Variants in GNAT3 observed in about 807,000 individuals in gnomAD.
GNAT3 encodes the protein G protein subunit alpha transducin 3.
GNAT3 carries 31 observed loss-of-function variants against 37.7 expected under a neutral mutation model. The observed-to-expected ratio is 0.82, with a 90% CI of 0.62 to 1.11. GNAT3 has a LOEUF of 1.11. Ranked by LOEUF, GNAT3 falls within the 50% of genes most tolerant of loss-of-function variation. The probability of loss-of-function intolerance (pLI) is 0.00; values close to 1 mark genes in which losing one functional copy is unlikely to be tolerated. For missense variants in GNAT3, 437 were observed against 412.5 expected (o/e 1.06, Z -0.51); for synonymous variants, 138 against 139.8 (o/e 0.99, Z 0.09).
At chr7:80,460,130 A>G (rs895173674) in intron 7 of GNAT3, among the ~76,000 whole-genome samples, 2 of 152,242 alleles carry the variant, frequency 1.3e-5, no homozygotes, top group Non-Finnish European at 2.9e-5. Context: ...GGAACAGAAT[A>G]TTAATTTAGG....
At chr7:80,472,232 A>G (rs1330138934) in intron 5 of GNAT3, among the ~76,000 whole-genome samples, 4 of 152,048 alleles carry the variant, frequency 2.6e-5, no homozygotes, top group Non-Finnish European at 5.9e-5. Context: ...TTTCTCCTCA[A>G]CTCTGCATTT....
chr7:80,481,402 C>T (rs1790390556), intron 3 of GNAT3, among the ~76,000 whole-genome samples: 1 of 152,050 alleles, frequency 6.6e-6, no homozygotes, highest in South Asian at 2.1e-4. Flanking sequence ...TCATTAGGCC[C>T]TCCTCCCTTT....
In GNAT3 at chr7:80,462,200, AC is replaced by A; in HGVS notation, c.832del (p.Val278Ter). ...GCAGATACTAAGATGCACCTTGGTT[AC>A]CTTTTCTTGAAAGATATCTTTTTTG... ...LNKKDIFQEK[V>X]TKVHLSICFP... On this transcript the variant is annotated frameshift_variant, in exon 7 of 8. Transcript: ENST00000398291. LOFTEE classifies it low-confidence loss of function (END_TRUNC). 6.3e-7 allele frequency: 1 copy of A among 1,595,688 alleles called. No homozygotes were observed. The highest frequency in any genetic ancestry group is 1.1e-5 in the South Asian group (1 of 88,522).
chr7:80,509,834 T>A lies in GNAT3; in HGVS notation c.118+1975A>T, dbSNP rs755728229. Reference sequence around the variant, plus strand: ...TATATATACTCTTTTTGAACATTTTTAATTTATTTTTTTAAATTGACAAAT... The same window carrying A: ...TATATATACTCTTTTTGAACATTTTAAATTTATTTTTTTAAATTGACAAAT... On this transcript the variant is annotated intron_variant, in intron 1 of 7. Transcript: ENST00000398291. Among the ~76,000 whole-genome samples the A allele has an allele frequency of 4.7e-4, 72 of 152,212 alleles. 1 individual carries two copies. The highest frequency in any genetic ancestry group is 9.4e-4 in the Non-Finnish European group (64 of 68,012).
At chr7:80,459,187 C>T (rs1790007425) in intron 7 of GNAT3, among the ~76,000 whole-genome samples, 1 of 151,684 alleles carries the variant, frequency 6.6e-6, no homozygotes. Context: ...TGTTTTTATA[C>T]AAATTAAAAG....
intron 5 of GNAT3, among the ~76,000 whole-genome samples, chr7:80,469,565 C>A (rs560528753): frequency 6.6e-6 from 1 of 152,094 alleles, no homozygotes; most frequent in African/African-American, 2.4e-5. Context: ...AGATGATACA[C>A]AATTATGATA....
chr7:80,459,840 C>T (rs1019271177), intron 7 of GNAT3, among the ~76,000 whole-genome samples: 30 of 152,096 alleles, frequency 2.0e-4, no homozygotes, highest in African/African-American at 6.8e-4. Flanking sequence ...ACTGGCAATA[C>T]CAAATTCTGG....
intron 3 of GNAT3, among the ~76,000 whole-genome samples, chr7:80,487,431 G>A (rs1198084180): frequency 1.3e-5 from 2 of 152,150 alleles, no homozygotes; most frequent in African/African-American, 2.4e-5. Flanking sequence ...TCTGCCTGAA[G>A]GCCATACTTA....
intron 7 of GNAT3, among the ~76,000 whole-genome samples, chr7:80,460,609 G>A (rs145425195): frequency 1.4e-4 from 22 of 152,148 alleles, no homozygotes; most frequent in Admixed American, 2.6e-4. Context: ...TTAGCCGGGC[G>A]TGGTGGCGTG....
At chr7:80,475,931 G>A (rs1440282370) in intron 4 of GNAT3, among the ~76,000 whole-genome samples, 3 of 151,992 alleles carry the variant, frequency 2.0e-5, no homozygotes, top group Non-Finnish European at 4.4e-5. Flanking sequence ...GAAACATTAA[G>A]ATGTAAATGT....
intron 1 of GNAT3, among the ~76,000 whole-genome samples, chr7:80,509,780 C>G (rs1343406614): frequency 6.6e-6 from 1 of 151,912 alleles, no homozygotes; most frequent in African/African-American, 2.4e-5. Context: ...CTTTTTGACC[C>G]AATTTTCAGT....
intron 1 of GNAT3, among the ~76,000 whole-genome samples, chr7:80,498,300 G>C (rs932418640): frequency 2.6e-5 from 4 of 152,046 alleles, no homozygotes; most frequent in Non-Finnish European, 4.4e-5. Context: ...TTCATGCTGT[G>C]TTTAAGGTAA....
intron 1 of GNAT3, among the ~76,000 whole-genome samples, chr7:80,496,434 C>T (rs1281002448): frequency 6.6e-6 from 1 of 152,016 alleles, no homozygotes; most frequent in African/African-American, 2.4e-5. Flanking sequence ...CCCAACCCAC[C>T]CTATTTAAAT....
intron 2 of GNAT3, among the ~76,000 whole-genome samples, chr7:80,492,786 G>A (rs1364045404): frequency 1.3e-5 from 2 of 151,224 alleles, no homozygotes; most frequent in Admixed American, 6.6e-5. Context: ...TTTACAAATA[G>A]CAATTAAAAA....
rs186523759 is a variant in GNAT3 at position 80,466,379 on chromosome 7, T to G, written c.591-3748A>C. Among the ~76,000 whole-genome samples, 25 of 152,248 alleles carry G rather than the reference T, an allele frequency of 1.6e-4. No individual in the cohort carries two copies. In the East Asian group the frequency reaches 2.3e-3, roughly 14 times the overall value. On this transcript the variant is annotated intron_variant, in intron 5 of 7. Coordinates refer to ENST00000398291, the MANE Select transcript of GNAT3 (RefSeq NM_001102386.3). ...TATTTGTATTCTTTTAGTCACATTTTCAATTAGATTATATATTGTTAGATT... is the reference window on the plus strand; with the variant it reads ...TATTTGTATTCTTTTAGTCACATTTGCAATTAGATTATATATTGTTAGATT...
At chr7:80,466,298 G>GT (rs1165414188) in intron 5 of GNAT3, among the ~76,000 whole-genome samples, 3 of 152,026 alleles carry the variant, frequency 2.0e-5, no homozygotes, top group Non-Finnish European at 2.9e-5. Context: ...AACCTTTGTA[G>GT]TCTCCTTTTC....
chr7:80,494,718 T>C (rs1217295981), intron 1 of GNAT3, 71 bp from the exon 2 acceptor site: 17 of 894,742 alleles, frequency 1.9e-5, no homozygotes, highest in Admixed American at 6.5e-5. Context: ...ACTATCACTT[T>C]TCATGGATAA....
At chr7:80,484,829 T>C (rs964322058) in intron 3 of GNAT3, among the ~76,000 whole-genome samples, 1 of 152,166 alleles carries the variant, frequency 6.6e-6, no homozygotes, top group South Asian at 2.1e-4. Flanking sequence ...TCTAACTACA[T>C]ATCCCATCTC....
At chr7:80,460,438 A>G (rs913276406) in intron 7 of GNAT3, among the ~76,000 whole-genome samples, 2 of 152,198 alleles carry the variant, frequency 1.3e-5, no homozygotes, top group African/African-American at 4.8e-5. Flanking sequence ...ACTGTGCAAC[A>G]TAAAGAGTGA....
Sources: allele counts gnomAD v4.1 joint callset (sites outside exome capture counted in the v4.1 genomes callset), GRCh38; gene constraint gnomAD v4.1.1; transcripts MANE v1.5; gene names NCBI Gene and HGNC (gene_info 2026-07-23, HGNC 2026-07-21).